Variants in RDM1 observed in about 807,000 individuals in gnomAD.
RDM1 encodes the protein RAD52 motif containing 1.
RDM1 carries 28 observed loss-of-function variants against 27.7 expected under a neutral mutation model. That is an observed-to-expected ratio of 1.01 (90% CI 0.75 to 1.39). The LOEUF (loss-of-function observed/expected upper bound fraction) is 1.39. RDM1 is among the 40% of genes most tolerant of loss of function. RDM1 has a pLI of 0.00. For missense variants in RDM1, 277 were observed against 337.3 expected, an observed-to-expected ratio of 0.82 and a Z score of 1.40; for synonymous variants, 124 against 127.5, an observed-to-expected ratio of 0.97 and a Z score of 0.19.
intron 3 of RDM1, 62 bp downstream of exon 3, chr17:35,925,453 A>G: frequency 1.3e-6 from 2 of 1,586,190 alleles, no homozygotes. Context: ...TTCTGTCTAA[A>G]ATCTAGGATT....
intron 6 of RDM1, 40 bp from the exon 7 acceptor site, chr17:35,918,483 A>T: frequency 6.6e-7 from 1 of 1,507,934 alleles, no homozygotes; most frequent in East Asian, 2.3e-5. Flanking sequence ...GGCAGAACGC[A>T]CATTACGGTC....
At chr17:35,921,595 T>A (rs1185054039) in intron 5 of RDM1, among the ~76,000 whole-genome samples, 1 of 152,214 alleles carries the variant, frequency 6.6e-6, no homozygotes, top group Non-Finnish European at 1.5e-5. Context: ...TGTATAAGAA[T>A]CATACTTGCC....
intron 2 of RDM1, among the ~76,000 whole-genome samples, chr17:35,926,722 G>T (rs1299521628): frequency 6.6e-6 from 1 of 152,056 alleles, no homozygotes. Flanking sequence ...ATTCTTTATT[G>T]ATTTGTTTAT....
chr17:35,926,490 G>C (rs1256197717), intron 2 of RDM1, among the ~76,000 whole-genome samples: 5 of 151,838 alleles, frequency 3.3e-5, no homozygotes, highest in Non-Finnish European at 7.4e-5. Flanking sequence ...TGCAAGCTCC[G>C]CCTGCCAGGT....
At chr17:35,923,581 T>C (rs977946700) in intron 4 of RDM1, among the ~76,000 whole-genome samples, 1 of 151,688 alleles carries the variant, frequency 6.6e-6, no homozygotes, top group African/African-American at 2.4e-5. Flanking sequence ...GAGAATCACT[T>C]GAACCTGGGA....
rs1272172627 is a variant in RDM1, at chr17:35,925,558, T to C, written c.356A>G (p.Asn119Ser). 1 of 1,613,940 alleles carries C rather than the reference T, an allele frequency of 6.2e-7. No homozygotes were observed. Among genetic ancestry groups the C allele is most frequent in the Non-Finnish European group, 8.5e-7 (1 of 1,180,032 alleles). ...LNSSKCQELA[N>S]YYFGFNGCSK... Reference sequence around the variant, plus strand: ...ACACCCATTGAAACCAAAGTAGTAATTCGCCAGTTCTTGGCATTTGGAACT... The same window carrying C: ...ACACCCATTGAAACCAAAGTAGTAACTCGCCAGTTCTTGGCATTTGGAACT... The change falls in exon 3 of 7, where the codon AAT (asparagine) becomes AGT (serine). Residue 119 changes from asparagine to serine, a missense_variant. Coordinates refer to ENST00000620284, the MANE Select transcript of RDM1 (RefSeq NM_145654.4).
chr17:35,919,697 A>G lies in RDM1; in HGVS notation c.753+490T>C, dbSNP rs762985720. Among the ~76,000 whole-genome samples, 4 of 152,242 alleles carry G rather than the reference A, an allele frequency of 2.6e-5. No individual in the cohort carries two copies. The East Asian group carries it at 5.8e-4, about 22-fold the overall frequency. ...TGACCGAAACATCATTTTGTAGCAC[A>G]TGATTGTAACTGATTTACAGAAAGA... On this transcript the variant is annotated intron_variant, in intron 6 of 6. Transcript: ENST00000620284.
At chr17:35,920,074 A>C in intron 6 of RDM1, 113 bp downstream of exon 6, 4 of 585,632 alleles carry the variant, frequency 6.8e-6, no homozygotes, top group Non-Finnish European at 9.2e-6. Flanking sequence ...CAAAAGTAGT[A>C]TCAGTTTCAC....
At position 35,918,249 on chromosome 17, in the gene RDM1, C is replaced by T; in HGVS notation, c.*93G>A. ...GCCGACCCAGGTGGTTCCAGGACTC[C>T]AGCAGCCTATAGTGGTGGGGCGGCG... On this transcript the variant is annotated 3_prime_UTR_variant, in exon 7 of 7. Transcript: ENST00000620284. 2.8e-6 allele frequency: 3 copies of T among 1,090,894 alleles called. No individual in the cohort carries two copies. The highest frequency in any genetic ancestry group is 4.1e-6 in the Non-Finnish European group (3 of 724,658). 67.6% of individuals were successfully genotyped at this position (1,090,894 alleles called of 1,614,324 possible). A position where few individuals can be genotyped will look rare whatever the true frequency, so the allele number is the denominator to read the frequency against.
chr17:35,927,863 T>A (rs2089202762), intron 2 of RDM1, among the ~76,000 whole-genome samples: 1 of 152,226 alleles, frequency 6.6e-6, no homozygotes, highest in Non-Finnish European at 1.5e-5. Flanking sequence ...TGTTTCATAA[T>A]CTTAGTTGTA....
In RDM1 at chr17:35,930,231, G is replaced by A. The variant is rs1411338547; in HGVS notation, c.121C>T (p.Gln41Ter). ...CGGACTGAATACAGAAGGCCAAACT[G>A]AGAAAATGCTGTGAACAGAGAATGC... ...LHHSLFTAFS[Q>*]FGLLYSVRVF... Residue 41 changes from glutamine to a stop codon, truncating the protein, a stop_gained, in exon 2 of 7, where the codon CAG (glutamine) becomes TAG (stop). Coordinates refer to ENST00000620284, the MANE Select transcript of RDM1 (RefSeq NM_145654.4). LOFTEE classifies it high-confidence loss of function. The A allele has an allele frequency of 2.5e-6, 4 of 1,611,270 alleles. No individual in the cohort carries two copies. The highest frequency in any genetic ancestry group is 3.4e-6 in the Non-Finnish European group (4 of 1,179,886).
chr17:35,922,408 A>G (rs1712883565), intron 5 of RDM1, 169 bp downstream of exon 5: 1 of 815,970 alleles, frequency 1.2e-6, no homozygotes. Context: ...TTTTTTTCAC[A>G]AATGTCACAC....
In RDM1 at chr17:35,924,668, T is replaced by C. The variant is rs970473853; in HGVS notation, c.504A>G (p.Pro168=). The C allele has an allele frequency of 2.5e-6, 4 of 1,614,046 alleles. No individual in the cohort carries two copies. In the East Asian group the frequency reaches 8.9e-5, roughly 36 times the overall value. Residue 168 remains proline (P), a synonymous_variant, in exon 4 of 7, where the codon CCA becomes CCG. Coordinates refer to ENST00000620284, the MANE Select transcript of RDM1 (RefSeq NM_145654.4). ...KFFCALEVVL[P]SCDCRSPGIG... Reference sequence around the variant, plus strand: ...TGCCAGGACTCCTGCAATCACAGGATGGCAACACCACTTCTAAAGCACAGA... The same window carrying C: ...TGCCAGGACTCCTGCAATCACAGGACGGCAACACCACTTCTAAAGCACAGA...
Position 35,918,485 on chromosome 17 carries a change from A to G in RDM1, c.754-42T>C, listed in dbSNP as rs761833695. 9 of 1,493,924 alleles carry G rather than the reference A, an allele frequency of 6.0e-6. No homozygotes were observed. The African/African-American group carries it at 1.1e-4, about 18-fold the overall frequency. The allele number at this position is 1,493,924 out of a possible 1,614,324, so 92.5% of individuals were successfully genotyped here. On this transcript the variant is annotated intron_variant, in intron 6 of 6. Transcript: ENST00000620284. ...AGTTAGGGTGGCAGGCAGAACGCAC[A>G]TTACGGTCATTCATTCCAAAATGTT...
At position 35,924,482 on chromosome 17, in the gene RDM1, G is replaced by A; in HGVS notation, c.568+122C>T. 3 of 1,042,124 alleles carry A rather than the reference G, an allele frequency of 2.9e-6. No homozygotes were observed. The South Asian group carries it at 5.4e-5, about 19-fold the overall frequency. The allele number at this position is 1,042,124 out of a possible 1,614,324, so 64.6% of individuals were successfully genotyped here. On this transcript the variant is annotated intron_variant, in intron 4 of 6. Transcript: ENST00000620284. ...CAGAAAAACTCTGCCCAGGACTTCAGTAGCTCAGAGAGGGAGGGGCTTGAT... is the reference window on the plus strand; with the variant it reads ...CAGAAAAACTCTGCCCAGGACTTCAATAGCTCAGAGAGGGAGGGGCTTGAT...
intron 4 of RDM1, among the ~76,000 whole-genome samples, chr17:35,924,341 T>G (rs1454730374): frequency 2.0e-5 from 3 of 152,172 alleles, no homozygotes; most frequent in East Asian, 3.8e-4. Flanking sequence ...AACCAAAAAC[T>G]GTAAAAACAT....
At chr17:35,922,485 G>C (rs745915126) in intron 5 of RDM1, 92 bp downstream of exon 5, 1 of 1,508,264 alleles carries the variant, frequency 6.6e-7, no homozygotes, top group South Asian at 1.3e-5. Flanking sequence ...GAGTGCTTTA[G>C]ATATCAATAT....
At chr17:35,929,984 T>C in intron 2 of RDM1, 92 bp downstream of exon 2, 1 of 1,178,092 alleles carries the variant, frequency 8.5e-7, no homozygotes, top group East Asian at 2.4e-5. Flanking sequence ...TCTGAAAATA[T>C]TCTGTAAACC....
rs1351341522 is a variant in RDM1, at chr17:35,918,456, C to T, written c.754-13G>A. The T allele has an allele frequency of 1.2e-6, 2 of 1,606,630 alleles. No individual in the cohort carries two copies. Among genetic ancestry groups the T allele is most frequent in the East Asian group, 2.2e-5 (1 of 44,848 alleles). Reference sequence around the variant, plus strand: ...GAGAGCAAGGGACCTGCAAAATGTGCGCTAGTTAGGGTGGCAGGCAGAACG... The same window carrying T: ...GAGAGCAAGGGACCTGCAAAATGTGTGCTAGTTAGGGTGGCAGGCAGAACG... On this transcript the variant is annotated splice_polypyrimidine_tract_variant and intron_variant, in intron 6 of 6. Transcript: ENST00000620284.
Sources: gnomAD v4.1 joint callset for allele counts (sites outside exome capture counted in the v4.1 genomes callset) on GRCh38, gnomAD v4.1.1 for gene constraint, MANE v1.5 for transcripts, NCBI Gene and HGNC (gene_info 2026-07-23, HGNC 2026-07-21) for gene names.